The following PLD2 variants were observed in gnomAD, a reference collection of about 807,000 sequenced individuals.
The protein encoded by PLD2 is phospholipase D2.
PLD2 carries 101 observed loss-of-function variants against 119.8 expected under a neutral mutation model. The observed-to-expected ratio is 0.84, with a 90% confidence interval of 0.72 to 0.99. The LOEUF (loss-of-function observed/expected upper bound fraction) is 0.99. Among genes scored for constraint, PLD2 ranks in the 50% least tolerant of loss-of-function variants. The probability of loss-of-function intolerance (pLI) is 0.00; values close to 1 mark genes in which losing one functional copy is unlikely to be tolerated. For missense variants in PLD2, 1,164 were observed against 1,226.8 expected, an observed-to-expected ratio of 0.95 and a Z score of 0.76; for synonymous variants, 494 against 482.8, an observed-to-expected ratio of 1.02 and a Z score of -0.30.
chr17:4,809,714 C>T lies in PLD2; in HGVS notation c.638C>T (p.Ser213Leu). The change falls in exon 8 of 25, where the codon TCA becomes TTA. Residue 213 changes from serine (S) to leucine (L), a missense_variant. By Grantham distance (145) the Ser-to-Leu change is moderately radical. Transcript: ENST00000263088. ...KGLEGMIRKR[S>L]GGHRVPGLTC... Reference sequence around the variant, plus strand: ...AGGGAGGGGATGATCCGGAAGCGCTCAGGTGGCCACCGTGTTCCTGGCCTC... The same window carrying T: ...AGGGAGGGGATGATCCGGAAGCGCTTAGGTGGCCACCGTGTTCCTGGCCTC... 1 of 1,614,190 alleles carries T rather than the reference C, an allele frequency of 6.2e-7. No homozygotes were observed. Among genetic ancestry groups the T allele is most frequent in the Non-Finnish European group, 8.5e-7 (1 of 1,180,030 alleles).
rs950389389 is a variant in PLD2 at position 4,810,855 on chromosome 17, A to G, written c.914A>G (p.Glu305Gly). The change falls in exon 10 of 25, where the codon GAG becomes GGG. Residue 305 changes from glutamate to glycine, a missense_variant. Transcript: ENST00000263088. ...CGGCAGGCACGGTGGTGGGCCCAAG[A>G]GATCACTGAGCTGGCACAGGGCCCA... ...SYRQARWWAQ[E>G]ITELAQGPGR... 6.2e-7 allele frequency: 1 copy of G among 1,613,888 alleles called. No homozygotes were observed. Among genetic ancestry groups the G allele is most frequent in the Non-Finnish European group, 8.5e-7 (1 of 1,179,912 alleles).
chr17:4,809,820 G>A (rs1906260392), intron 8 of PLD2, 37 bp downstream of exon 8: 1 of 1,613,952 alleles, frequency 6.2e-7, no homozygotes, highest in African/African-American at 1.3e-5. Flanking sequence ...CAGTGGGTGG[G>A]GGTGAGGAAG....
At chr17:4,816,331 C>T (rs910059710) in intron 14 of PLD2, among the ~76,000 whole-genome samples, 17 of 150,606 alleles carry the variant, frequency 1.1e-4, no homozygotes, top group African/African-American at 3.9e-4. Flanking sequence ...TGCAGTGAGC[C>T]GAGATTGTGC....
intron 13 of PLD2, 85 bp from the exon 14 acceptor site, chr17:4,815,679 T>C: frequency 6.3e-7 from 1 of 1,595,744 alleles, no homozygotes; most frequent in African/African-American, 1.3e-5. Flanking sequence ...TGGTCTCATC[T>C]TTCCATCTTT....
Position 4,822,963 on chromosome 17 carries a change from A to G in PLD2, c.*99A>G. 1 of 673,364 alleles carries G rather than the reference A, an allele frequency of 1.5e-6. No individual in the cohort carries two copies. The highest frequency in any genetic ancestry group is 2.6e-6 in the Non-Finnish European group (1 of 388,048). 41.7% of individuals were successfully genotyped at this position (673,364 alleles called of 1,614,324 possible). A position where few individuals can be genotyped will look rare whatever the true frequency, so the allele number is the denominator to read the frequency against. ...AGGACTGAGGGCAGTGCCCTTTGAG[A>G]TCTGGGGAGGCAGGCATTCCTGAAG... is the stretch of plus-strand genomic sequence containing the variant. On this transcript the variant is annotated 3_prime_UTR_variant, in exon 25 of 25. Transcript: ENST00000263088.
At position 4,819,243 on chromosome 17, in the gene PLD2, G is replaced by T. The variant is rs765039690; in HGVS notation, c.2308+25G>T. The T allele has an allele frequency of 3.7e-6, 6 of 1,613,132 alleles. No homozygotes were observed. Among genetic ancestry groups the T allele is most frequent in the Non-Finnish European group, 5.1e-6 (6 of 1,179,674 alleles). Reference sequence around the variant, plus strand: ...GGTCAGTGCCGGATCTAGTCCTCTGGCAGGGAGAGGGTGTGGGGACAGGCG... The same window carrying T: ...GGTCAGTGCCGGATCTAGTCCTCTGTCAGGGAGAGGGTGTGGGGACAGGCG... On this transcript the variant is annotated intron_variant, in intron 22 of 24. Coordinates refer to ENST00000263088, the MANE Select transcript of PLD2 (RefSeq NM_002663.5). The surrounding 1 kb of genome is among the most constrained non-coding windows in gnomAD (Gnocchi z 4.2).
chr17:4,815,428 G>T (rs376025818), intron 12 of PLD2, 48 bp from the exon 13 acceptor site: 247 of 1,134,378 alleles, frequency 2.2e-4, no homozygotes, highest in Admixed American at 7.4e-4. Flanking sequence ...GTGGAAAGGG[G>T]CTACTCTGGG....
At chr17:4,813,592 G>C (rs1183881514) in intron 10 of PLD2, among the ~76,000 whole-genome samples, 5 of 152,120 alleles carry the variant, frequency 3.3e-5, no homozygotes, top group South Asian at 2.1e-4. Context: ...AGTCGCTTTG[G>C]CTCATGCCTG....
chr17:4,817,240 G>A lies in PLD2; in HGVS notation c.1796G>A (p.Gly599Glu). The A allele has an allele frequency of 1.2e-6, 2 of 1,612,512 alleles. No individual in the cohort carries two copies. The highest frequency in any genetic ancestry group is 1.7e-6 in the Non-Finnish European group (2 of 1,178,600). Residue 599 changes from glycine (G) to glutamate (E), a missense_variant, in exon 17 of 25, where the codon GGG becomes GAG. Physicochemically the swap from Gly to Glu is moderately conservative, Grantham distance 98. Transcript: ENST00000263088. ...ANQLPFTLPG[G>E]QCTTVQVLRS... ...CAGCTCCCCTTCACACTTCCAGGAG[G>A]GCAGTGCACCACCGTACAGGTGAGG...
In PLD2 at chr17:4,816,758, C is replaced by T. The variant is rs1198585897; in HGVS notation, c.1582+12C>T. 1.2e-6 allele frequency: 2 copies of T among 1,614,206 alleles called. No individual in the cohort carries two copies. The highest frequency in any genetic ancestry group is 1.7e-6 in the Non-Finnish European group (2 of 1,180,012). ...CCGGCCTTTCGAAGGTGAAGCCTCC[C>T]ACCCGCCAAAGCCCCAGAGAGCTGA... On this transcript the variant is annotated intron_variant, in intron 15 of 24. Coordinates refer to ENST00000263088, the MANE Select transcript of PLD2 (RefSeq NM_002663.5).
chr17:4,819,639 G>T lies in PLD2; in HGVS notation c.2462+57G>T. ...AGGGAGATGGGGGCGTCTGCCTTTT[G>T]AGCAGGACAAGAGGTAGCACCGCAT... On this transcript the variant is annotated intron_variant, in intron 23 of 24. Transcript: ENST00000263088. This position sits in a 1 kb window ranked among gnomAD's most constrained non-coding sequence, Gnocchi z 4.2. 1.3e-6 allele frequency: 2 copies of T among 1,526,772 alleles called. No individual in the cohort carries two copies. Among genetic ancestry groups the T allele is most frequent in the South Asian group, 2.5e-5 (2 of 80,846 alleles). 94.6% of individuals were successfully genotyped at this position (1,526,772 alleles called of 1,614,324 possible).
At chr17:4,813,774 G>A (rs919511803) in intron 10 of PLD2, among the ~76,000 whole-genome samples, 1 of 152,162 alleles carries the variant, frequency 6.6e-6, no homozygotes, top group Non-Finnish European at 1.5e-5. Flanking sequence ...CAGGAAAATT[G>A]CTTGAACCCA....
At chr17:4,812,443 T>C (rs372257660) in intron 10 of PLD2, among the ~76,000 whole-genome samples, 27 of 151,998 alleles carry the variant, frequency 1.8e-4, no homozygotes, top group Non-Finnish European at 3.5e-4. Flanking sequence ...TACAGGCATA[T>C]GCCACCATGT....
intron 23 of PLD2, 100 bp from the exon 24 acceptor site, chr17:4,821,693 C>T: frequency 1.2e-6 from 1 of 829,808 alleles, no homozygotes; most frequent in Non-Finnish European, 2.0e-6. Flanking sequence ...CCGCACCCAG[C>T]CAATTTTGAA....
At chr17:4,816,567 G>C in intron 14 of PLD2, 53 bp from the exon 15 acceptor site, 1 of 1,599,530 alleles carries the variant, frequency 6.3e-7, no homozygotes, top group South Asian at 1.1e-5. Context: ...CCCTGGCTCT[G>C]TACAGCCCCA....
rs781546553 is a variant in PLD2, at chr17:4,815,500, C to G, written c.1198C>G (p.Leu400Val). 6.2e-7 allele frequency: 1 copy of G among 1,612,414 alleles called. No individual in the cohort carries two copies. The highest frequency in any genetic ancestry group is 1.1e-5 in the South Asian group (1 of 91,056). The stretch of plus-strand genomic sequence containing the variant: ...GGAGGAGGGTGTCCGTGTGTCTATT[C>G]TGCTGTTTAAAGAAGTGGAATTGGC... The part of the protein sequence containing the change: ...KAEEGVRVSI[L>V]LFKEVELALG... Residue 400 changes from leucine to valine, a missense_variant, in exon 13 of 25, where the codon CTG becomes GTG. Physicochemically the swap from Leu to Val is conservative, Grantham distance 32. Transcript: ENST00000263088.
At chr17:4,816,559 C>T in intron 14 of PLD2, 61 bp from the exon 15 acceptor site, 1 of 1,571,096 alleles carries the variant, frequency 6.4e-7, no homozygotes, top group Non-Finnish European at 8.8e-7. Context: ...CTCTTTGGCC[C>T]TGGCTCTGTA....
At chr17:4,814,350 C>A in intron 10 of PLD2, 68 bp from the exon 11 acceptor site, 1 of 1,550,628 alleles carries the variant, frequency 6.4e-7, no homozygotes, top group Non-Finnish European at 8.7e-7. Flanking sequence ...GACTGTCCTC[C>A]GGTCTTCACT....
intron 23 of PLD2, among the ~76,000 whole-genome samples, chr17:4,820,140 C>G (rs185804174): frequency 6.6e-6 from 1 of 150,812 alleles, no homozygotes; most frequent in Non-Finnish European, 1.5e-5. Context: ...GATGGGGTTT[C>G]GCCGTGTTGG....
Sources: gnomAD v4.1 joint callset for allele counts (sites outside exome capture counted in the v4.1 genomes callset) on GRCh38, gnomAD v4.1.1 for gene constraint, Gnocchi (gnomAD v3.1) non-coding constraint, MANE v1.5 for transcripts, NCBI Gene and HGNC (gene_info 2026-07-23, HGNC 2026-07-21) for gene names.